The following RSRC1 variants were observed in gnomAD, a reference collection of about 807,000 sequenced individuals.
RSRC1 encodes arginine and serine rich coiled-coil 1.
Under a neutral mutation model 49.1 loss-of-function variants are expected in RSRC1, and 39 were observed. That is an observed-to-expected ratio of 0.79 (90% CI 0.61 to 1.04). The LOEUF (loss-of-function observed/expected upper bound fraction) is 1.04. Ranked by LOEUF, RSRC1 falls within the 50% of genes least tolerant of loss-of-function variation. RSRC1 has a pLI of 0.00. For synonymous variants in RSRC1, 143 were observed against 130.8 expected (o/e 1.09, Z -0.63); for missense variants, 388 against 402.4 (o/e 0.96, Z 0.31).
chr3:158,397,614 T>C (rs1733682719), intron 6 of RSRC1, among the ~76,000 whole-genome samples: 1 of 152,144 alleles, frequency 6.6e-6, no homozygotes, highest in South Asian at 2.1e-4. Flanking sequence ...TAGTGTATTA[T>C]AGTGGAGAAT....
intron 4 of RSRC1, among the ~76,000 whole-genome samples, chr3:158,266,132 G>A (rs1000001387): frequency 3.3e-5 from 5 of 152,054 alleles, no homozygotes; most frequent in African/African-American, 1.2e-4. Flanking sequence ...TTTAAAGGTG[G>A]TTTATCAAAA....
intron 5 of RSRC1, among the ~76,000 whole-genome samples, chr3:158,304,408 A>G (rs1220197522): frequency 6.6e-6 from 1 of 152,106 alleles, no homozygotes; most frequent in Non-Finnish European, 1.5e-5. Flanking sequence ...GATCATTATC[A>G]TACTTTTGGG....
chr3:158,448,592 GA>G (rs1736856532), intron 6 of RSRC1, among the ~76,000 whole-genome samples: 1 of 151,922 alleles, frequency 6.6e-6, no homozygotes, highest in Non-Finnish European at 1.5e-5. Context: ...GGTTCTAGCA[GA>G]AAAGTTGGGA....
intron 6 of RSRC1, among the ~76,000 whole-genome samples, chr3:158,448,431 C>A (rs561017291): frequency 6.6e-6 from 1 of 151,846 alleles, no homozygotes; most frequent in Non-Finnish European, 1.5e-5. Flanking sequence ...GGAGAAGATA[C>A]ATATAAGCAT....
At chr3:158,194,391 A>G (rs1183344311) in intron 3 of RSRC1, among the ~76,000 whole-genome samples, 2 of 151,952 alleles carry the variant, frequency 1.3e-5, no homozygotes, top group Non-Finnish European at 2.9e-5. Context: ...ATATACACTG[A>G]ATAATTATTT....
chr3:158,403,860 A>C (rs1734013877), intron 6 of RSRC1, among the ~76,000 whole-genome samples: 1 of 151,854 alleles, frequency 6.6e-6, no homozygotes, highest in South Asian at 2.1e-4. Flanking sequence ...GAAATTTCAC[A>C]CTAGTCTTGA....
intron 6 of RSRC1, among the ~76,000 whole-genome samples, chr3:158,409,900 C>T (rs1734359883): frequency 6.7e-6 from 1 of 150,202 alleles, no homozygotes; most frequent in East Asian, 1.9e-4. Flanking sequence ...TCCATCTGCC[C>T]ATAGGATACA....
intron 4 of RSRC1, among the ~76,000 whole-genome samples, chr3:158,271,152 A>G (rs1725495793): frequency 3.9e-5 from 6 of 152,066 alleles, no homozygotes; most frequent in Admixed American, 3.3e-4. Context: ...TGAAGTAATG[A>G]TTTTAGAAGG....
At position 158,118,462 on chromosome 3, in the gene RSRC1, T is replaced by TGTGTGCGCGCGCGCGC. The variant is rs1491469875; in HGVS notation, c.-2-3640_-2-3639insTGTGCGCGCGCGCGCG. Among the ~76,000 whole-genome samples the TGTGTGCGCGCGCGCGC allele has an allele frequency of 5.6e-5, 7 of 124,682 alleles. 1 individual carries two copies. The highest frequency in any genetic ancestry group is 1.6e-4 in the Admixed American group (2 of 12,650). The allele number at this position is 124,682 out of a possible 152,430, so 81.8% of individuals were successfully genotyped here. ...GTGTGTGTGTGTGTGTGTGTGTGTGTGCGCGTGCGCGTGGTTTTTTTAAAT... is the reference window on the plus strand; with the variant it reads ...GTGTGTGTGTGTGTGTGTGTGTGTGTGTGTGCGCGCGCGCGCGCGCGTGCGCGTGGTTTTTTTAAAT... On this transcript the variant is annotated intron_variant, in intron 1 of 9. Transcript: ENST00000611884.
chr3:158,467,299 G>A (rs570638461), intron 7 of RSRC1, among the ~76,000 whole-genome samples: 1 of 152,150 alleles, frequency 6.6e-6, no homozygotes, highest in African/African-American at 2.4e-5. Flanking sequence ...GAGGATAAGG[G>A]GGAGACAGAA....
At chr3:158,224,262 G>A (rs527482905) in intron 4 of RSRC1, among the ~76,000 whole-genome samples, 4 of 151,648 alleles carry the variant, frequency 2.6e-5, no homozygotes, top group South Asian at 2.1e-4. Context: ...AAAAATTATC[G>A]TCAGCATACG....
chr3:158,389,069 A>C (rs557239910), intron 6 of RSRC1, among the ~76,000 whole-genome samples: 2 of 152,334 alleles, frequency 1.3e-5, no homozygotes, highest in South Asian at 4.1e-4. Context: ...CTAACTGGGG[A>C]AGTCAGGGAA....
At position 158,195,241 on chromosome 3, in the gene RSRC1, A is replaced by G. The variant is rs1720515283; in HGVS notation, c.321-7831A>G. 2.0e-5 allele frequency among the ~76,000 whole-genome samples: 3 copies of G among 152,102 alleles called. No individual in the cohort carries two copies. In the South Asian group the frequency reaches 6.2e-4, roughly 32 times the overall value. On this transcript the variant is annotated intron_variant, in intron 3 of 9. Transcript: ENST00000611884. ...TGTGGTTTTGATTTGCATTTCTCTG[A>G]TGGCCAGTGATGATGAGCATTTTTT...
chr3:158,245,435 C>T (rs996713364), intron 4 of RSRC1, among the ~76,000 whole-genome samples: 1 of 151,994 alleles, frequency 6.6e-6, no homozygotes. Flanking sequence ...GTTTTACTTC[C>T]GAATATGTGG....
At chr3:158,457,362 T>C (rs1737384041) in intron 6 of RSRC1, among the ~76,000 whole-genome samples, 1 of 152,154 alleles carries the variant, frequency 6.6e-6, no homozygotes, top group East Asian at 1.9e-4. Context: ...AGGTTTTCAA[T>C]CTGAGAGATT....
chr3:158,365,029 T>A (rs1731686053), intron 6 of RSRC1, among the ~76,000 whole-genome samples: 1 of 152,106 alleles, frequency 6.6e-6, no homozygotes, highest in African/African-American at 2.4e-5. Context: ...GTTTTTTATG[T>A]CATTACCAAA....
chr3:158,261,033 A>G (rs1020321576), intron 4 of RSRC1, among the ~76,000 whole-genome samples: 2 of 152,152 alleles, frequency 1.3e-5, no homozygotes, highest in Non-Finnish European at 2.9e-5. Context: ...GTACTGTTAT[A>G]TTGCTTACCT....
At chr3:158,277,307 C>T (rs1324188925) in intron 4 of RSRC1, among the ~76,000 whole-genome samples, 1 of 152,140 alleles carries the variant, frequency 6.6e-6, no homozygotes, top group Non-Finnish European at 1.5e-5. Flanking sequence ...AGATTTTAAA[C>T]ATTTCACCTT....
chr3:158,516,275 G>C (rs944335103), intron 7 of RSRC1, among the ~76,000 whole-genome samples: 28 of 151,932 alleles, frequency 1.8e-4, no homozygotes, highest in Non-Finnish European at 3.5e-4. Flanking sequence ...ATGGGTTTTT[G>C]GTGTGGATGT....
Sources: gnomAD v4.1 joint callset for allele counts (sites outside exome capture counted in the v4.1 genomes callset) on GRCh38, gnomAD v4.1.1 for gene constraint, MANE v1.5 for transcripts, NCBI Gene and HGNC (gene_info 2026-07-23, HGNC 2026-07-21) for gene names.